Variants in KLHL29 observed in about 807,000 individuals in gnomAD.
KLHL29 encodes the protein kelch like family member 29, also known as kelch-like protein 29.
KLHL29 carries 21 observed loss-of-function variants against 80.4 expected under a neutral mutation model. The observed-to-expected ratio is 0.26, with a 90% CI of 0.19 to 0.38. The LOEUF (loss-of-function observed/expected upper bound fraction) is 0.38, where lower values mean the gene tolerates loss of function less well. Among genes scored for constraint, KLHL29 ranks in the 10% least tolerant of loss-of-function variants. The pLI is 1.00. For synonymous variants in KLHL29, 511 were observed against 526.8 expected (o/e 0.97, Z 0.41); for missense variants, 867 against 1,223.9 (o/e 0.71, Z 4.35).
intron 2 of KLHL29, among the ~76,000 whole-genome samples, chr2:23,551,712 G>T (rs1380953827): frequency 6.6e-6 from 1 of 152,196 alleles, no homozygotes; most frequent in African/African-American, 2.4e-5. Context: ...CTGCTAACTC[G>T]CCAGATCTTA....
At chr2:23,557,157 A>C (rs1184262434) in intron 2 of KLHL29, among the ~76,000 whole-genome samples, 1 of 152,148 alleles carries the variant, frequency 6.6e-6, no homozygotes, top group East Asian at 1.9e-4. Context: ...TACCTCATCC[A>C]TTCCAGGCCT....
At chr2:23,651,900 G>C (rs917291433) in intron 5 of KLHL29, among the ~76,000 whole-genome samples, 2 of 152,034 alleles carry the variant, frequency 1.3e-5, no homozygotes, top group Non-Finnish European at 2.9e-5. Flanking sequence ...AGTCCGACTG[G>C]GTTAGGGACC....
chr2:23,705,470 G>A (rs985132075), intron 13 of KLHL29, among the ~76,000 whole-genome samples: 16 of 151,508 alleles, frequency 1.1e-4, no homozygotes, highest in African/African-American at 3.9e-4. Context: ...CCAGCCTGGT[G>A]ACAGAGTATG....
intron 6 of KLHL29, chr2:23,690,039 T>C (rs991625971): frequency 2.0e-5 from 3 of 152,130 alleles, no homozygotes; most frequent in Admixed American, 2.0e-4. Flanking sequence ...GATGAGCCGT[T>C]GTGTGGGGAG....
At chr2:23,493,650 T>G (rs1020846822) in intron 2 of KLHL29, among the ~76,000 whole-genome samples, 3 of 152,076 alleles carry the variant, frequency 2.0e-5, no homozygotes, top group African/African-American at 7.2e-5. Flanking sequence ...TGTGAGTGTG[T>G]GTGTGTGCGC....
intron 3 of KLHL29, among the ~76,000 whole-genome samples, chr2:23,588,984 C>T (rs531433274): frequency 2.0e-5 from 3 of 152,376 alleles, no homozygotes; most frequent in African/African-American, 2.4e-5. Flanking sequence ...CTCACTCACG[C>T]GTCACACCAT....
chr2:23,684,234 T>C lies in KLHL29; in HGVS notation c.941-165T>C, dbSNP rs1460784859. The stretch of plus-strand genomic sequence containing the variant: ...GTGGCTGCTTGTTTATGCATTATGT[T>C]TGTGACTTCTTTTGACTGTCAGTGT... On this transcript the variant is annotated intron_variant, in intron 5 of 13. Transcript: ENST00000486442. This position sits in a 1 kb window ranked among gnomAD's most constrained non-coding sequence, Gnocchi z 4.4. Among the ~76,000 whole-genome samples, 1 of 152,174 alleles carries C rather than the reference T, an allele frequency of 6.6e-6. No individual in the cohort carries two copies. Among genetic ancestry groups the C allele is most frequent in the Non-Finnish European group, 1.5e-5 (1 of 68,032 alleles).
At position 23,562,186 on chromosome 2, in the gene KLHL29, G is replaced by A. The variant is rs538534447; in HGVS notation, c.-11G>A. 2.2e-4 allele frequency: 338 copies of A among 1,542,296 alleles called. No homozygotes were observed. Among genetic ancestry groups the A allele is most frequent in the Middle Eastern group, 3.3e-4 (2 of 6,000 alleles). On this transcript the variant is annotated 5_prime_UTR_variant, in exon 3 of 14. Transcript: ENST00000486442. The surrounding 1 kb of genome is among the most constrained non-coding windows in gnomAD (Gnocchi z 4.5). ...CTGTTTCCCTGTGAGAAGCCGCCTC[G>A]GCCCACCGAGATGTCCCGGCACCAT...
intron 1 of KLHL29, 77 bp from the exon 2 acceptor site, chr2:23,475,483 C>CAAA (rs111621976): frequency 1.5e-5 from 2 of 131,724 alleles, no homozygotes; most frequent in Non-Finnish European, 1.7e-5. Context: ...CATCTTTTTG[C>CAAA]AAAAAAAAAA....
chr2:23,631,723 C>T (rs1041521167), intron 3 of KLHL29, among the ~76,000 whole-genome samples: 1 of 152,214 alleles, frequency 6.6e-6, no homozygotes, highest in African/African-American at 2.4e-5. Flanking sequence ...ATGTCATTTG[C>T]GCTTCCCGGA....
chr2:23,529,509 G>A (rs1004704627), intron 2 of KLHL29, among the ~76,000 whole-genome samples: 1 of 152,192 alleles, frequency 6.6e-6, no homozygotes, highest in Non-Finnish European at 1.5e-5. Context: ...TCAGTCTCAT[G>A]AGAGAGAGCA....
At position 23,432,648 on chromosome 2, in the gene KLHL29, T is replaced by G. The variant is rs1663214438; in HGVS notation, c.-153-42912T>G. Among the ~76,000 whole-genome samples, 3 of 152,184 alleles carry G rather than the reference T, an allele frequency of 2.0e-5. No homozygotes were observed. The South Asian group carries it at 6.2e-4, about 31-fold the overall frequency. On this transcript the variant is annotated intron_variant, in intron 1 of 13. Transcript: ENST00000486442. ...GAGGGAGAAGGCAGCGGAGCTCCTGTGACAGAGCTCAGGGAAACCTCTCTG... is the reference window on the plus strand; with the variant it reads ...GAGGGAGAAGGCAGCGGAGCTCCTGGGACAGAGCTCAGGGAAACCTCTCTG...
At chr2:23,469,824 A>G (rs1239683429) in intron 1 of KLHL29, among the ~76,000 whole-genome samples, 1 of 152,040 alleles carries the variant, frequency 6.6e-6, no homozygotes, top group African/African-American at 2.4e-5. Flanking sequence ...TGGTAGGTCC[A>G]GTTGGCACCT....
intron 3 of KLHL29, among the ~76,000 whole-genome samples, chr2:23,585,401 A>T (rs1042117235): frequency 6.6e-6 from 1 of 152,206 alleles, no homozygotes. Context: ...AGAGAGGATT[A>T]TACCTACTCC....
At chr2:23,395,307 T>C (rs535929503) in intron 1 of KLHL29, among the ~76,000 whole-genome samples, 2 of 152,158 alleles carry the variant, frequency 1.3e-5, no homozygotes, top group African/African-American at 2.4e-5. Context: ...ACCACCTACA[T>C]TGGCCGCTGC....
intron 2 of KLHL29, among the ~76,000 whole-genome samples, chr2:23,546,627 G>A (rs1483875592): frequency 6.6e-6 from 1 of 152,140 alleles, no homozygotes; most frequent in Non-Finnish European, 1.5e-5. Flanking sequence ...GCTGGCCTAG[G>A]AGGGAAACTG....
At chr2:23,402,051 G>A (rs1304406344) in intron 1 of KLHL29, among the ~76,000 whole-genome samples, 1 of 152,172 alleles carries the variant, frequency 6.6e-6, no homozygotes, top group Non-Finnish European at 1.5e-5. Flanking sequence ...ACAGTCGAGG[G>A]GCAGAAAAAG....
intron 2 of KLHL29, among the ~76,000 whole-genome samples, chr2:23,540,285 TG>T (rs1666794242): frequency 6.6e-6 from 1 of 152,232 alleles, no homozygotes; most frequent in Non-Finnish European, 1.5e-5. Context: ...AGCCAGTATT[TG>T]TATCAATTAC....
intron 2 of KLHL29, among the ~76,000 whole-genome samples, chr2:23,557,431 T>C (rs1667325432): frequency 6.6e-6 from 1 of 152,054 alleles, no homozygotes; most frequent in South Asian, 2.1e-4. Context: ...TTGTTTTGAG[T>C]ACACGTAATG....
Sources: gnomAD v4.1 joint callset for allele counts (sites outside exome capture counted in the v4.1 genomes callset) on GRCh38, gnomAD v4.1.1 for gene constraint, Gnocchi (gnomAD v3.1) non-coding constraint, MANE v1.5 for transcripts, NCBI Gene and HGNC (gene_info 2026-07-23, HGNC 2026-07-21) for gene names.